RABGAP1L: variants seen among roughly 807,000 people sequenced by gnomAD.
RABGAP1L encodes the protein RAB GTPase activating protein 1 like, also known as rab GTPase-activating protein 1-like.
A neutral mutation model predicts 137.7 loss-of-function variants in RABGAP1L; 63 were observed. That is an observed-to-expected ratio of 0.46 (90% CI 0.37 to 0.56). The LOEUF (loss-of-function observed/expected upper bound fraction) is 0.56. Ranked by LOEUF, RABGAP1L falls within the 20% of genes least tolerant of loss-of-function variation. The pLI, the probability that RABGAP1L is intolerant of heterozygous loss-of-function variation, is 0.00. For synonymous variants in RABGAP1L, 431 were observed against 433.7 expected, an observed-to-expected ratio of 0.99 and a Z score of 0.08; for missense variants, 1,095 against 1,244.0, an observed-to-expected ratio of 0.88 and a Z score of 1.80.
In RABGAP1L at chr1:174,288,619, T is replaced by C. The variant is rs375864805; in HGVS notation, c.1323+9840T>C. 2.0e-5 allele frequency among the ~76,000 whole-genome samples: 3 copies of C among 152,340 alleles called. No homozygotes were observed. In the East Asian group the frequency reaches 5.8e-4, roughly 29 times the overall value. The stretch of plus-strand genomic sequence containing the variant: ...TGTATGTGACAAGGTGCTTTTCTCC[T>C]GCCATTTTCATAATTCTCTCTTTGT... On this transcript the variant is annotated intron_variant, in intron 10 of 25. Transcript: ENST00000681986.
In RABGAP1L at chr1:174,613,629, A is replaced by G. The variant is rs535514562; in HGVS notation, c.1711-23746A>G. ...GATATCCTTGTTAACTTTCTGTCTC[A>G]TTGATCTGTCTAATGTTGACAGTGG... On this transcript the variant is annotated intron_variant, in intron 13 of 25. Transcript: ENST00000681986. Among the ~76,000 whole-genome samples the G allele has an allele frequency of 4.9e-4, 75 of 152,190 alleles. No homozygotes were observed. The East Asian group carries it at 0.014, about 28-fold the overall frequency.
chr1:174,272,063 T>C (rs1674599658), intron 7 of RABGAP1L, among the ~76,000 whole-genome samples: 1 of 151,992 alleles, frequency 6.6e-6, no homozygotes, highest in Admixed American at 6.6e-5. Context: ...TTTTGACCTA[T>C]ATGTTTGGAA....
intron 17 of RABGAP1L, among the ~76,000 whole-genome samples, chr1:174,711,581 T>C (rs3117843): frequency 0.37 from 56,663 of 152,052 alleles, 13,920 homozygotes; most frequent in African/African-American, 0.7. Flanking sequence ...CCAGCACTGC[T>C]GGCCCACCCG....
chr1:174,299,063 C>A (rs1005508217), intron 10 of RABGAP1L, among the ~76,000 whole-genome samples: 2 of 152,188 alleles, frequency 1.3e-5, no homozygotes, highest in African/African-American at 4.8e-5. Flanking sequence ...AAAAACAAAT[C>A]GTCATAGGAC....
chr1:174,824,718 G>A (rs1033998960), intron 19 of RABGAP1L, among the ~76,000 whole-genome samples: 2 of 151,856 alleles, frequency 1.3e-5, no homozygotes, highest in Non-Finnish European at 2.9e-5. Context: ...CATTTACCTT[G>A]CAAATAACTA....
At chr1:174,524,662 T>A (rs924647391) in intron 13 of RABGAP1L, among the ~76,000 whole-genome samples, 1 of 152,144 alleles carries the variant, frequency 6.6e-6, no homozygotes, top group African/African-American at 2.4e-5. Context: ...GTCCCCTTGT[T>A]TATTTTTGTT....
chr1:174,351,898 T>G (rs1683229441), intron 11 of RABGAP1L, among the ~76,000 whole-genome samples: 1 of 151,998 alleles, frequency 6.6e-6, no homozygotes. Flanking sequence ...ACCTCCCGGG[T>G]TCATGCCATT....
chr1:174,680,408 C>T lies in RABGAP1L; in HGVS notation c.1825-3114C>T, dbSNP rs569173994. Among the ~76,000 whole-genome samples, 5 of 152,282 alleles carry T rather than the reference C, an allele frequency of 3.3e-5. 1 individual carries two copies. The South Asian group carries it at 1.0e-3, about 32-fold the overall frequency. ...GGCACAATTTCTGTGAACCAGGAAA[C>T]CGACCCTCATCAGACTGAATTGGTT... is the stretch of plus-strand genomic sequence containing the variant. On this transcript the variant is annotated intron_variant, in intron 14 of 25. Transcript: ENST00000681986.
chr1:174,349,453 G>A (rs1286483261), intron 11 of RABGAP1L, among the ~76,000 whole-genome samples: 3 of 133,418 alleles, frequency 2.2e-5, no homozygotes, highest in Admixed American at 7.2e-5. Flanking sequence ...GGCCGGGCGT[G>A]GGGCTGACCC....
At chr1:174,590,371 C>CT (rs1246738738) in intron 13 of RABGAP1L, among the ~76,000 whole-genome samples, 22 of 99,230 alleles carry the variant, frequency 2.2e-4, no homozygotes, top group Admixed American at 5.6e-4. Context: ...TTATTATACT[C>CT]TAAGTTTTAG....
At chr1:174,805,953 C>T (rs1055433650) in intron 18 of RABGAP1L, among the ~76,000 whole-genome samples, 1 of 152,156 alleles carries the variant, frequency 6.6e-6, no homozygotes, top group African/African-American at 2.4e-5. Context: ...GTTGCATTTT[C>T]ATTATTTTAC....
chr1:174,502,718 A>G (rs1572079945), intron 13 of RABGAP1L, among the ~76,000 whole-genome samples: 1 of 149,410 alleles, frequency 6.7e-6, no homozygotes, highest in East Asian at 1.9e-4. Context: ...GCATATATAT[A>G]CACACACACA....
intron 19 of RABGAP1L, among the ~76,000 whole-genome samples, chr1:174,867,336 G>T (rs1344259992): frequency 6.7e-6 from 1 of 150,344 alleles, no homozygotes; most frequent in African/African-American, 2.4e-5. Context: ...GGCCGAGATC[G>T]CGCCAAAAAA....
At chr1:174,615,472 T>G (rs920369756) in intron 13 of RABGAP1L, among the ~76,000 whole-genome samples, 6 of 152,192 alleles carry the variant, frequency 3.9e-5, no homozygotes, top group African/African-American at 1.4e-4. Context: ...ATGTCAGGTG[T>G]CGGTCTGCCC....
chr1:174,411,829 C>A (rs1465209208), intron 13 of RABGAP1L, among the ~76,000 whole-genome samples: 3 of 152,020 alleles, frequency 2.0e-5, no homozygotes, highest in Admixed American at 2.0e-4. Flanking sequence ...TATTTGTATT[C>A]CACTGTGGTC....
intron 18 of RABGAP1L, among the ~76,000 whole-genome samples, chr1:174,774,842 G>A (rs1430862562): frequency 1.3e-5 from 2 of 152,136 alleles, no homozygotes; most frequent in African/African-American, 4.8e-5. Flanking sequence ...ATTGTGCACT[G>A]CACTCCAGTA....
At chr1:174,651,346 T>G (rs1285371907) in intron 14 of RABGAP1L, among the ~76,000 whole-genome samples, 5 of 152,216 alleles carry the variant, frequency 3.3e-5, no homozygotes, top group African/African-American at 1.2e-4. Context: ...TGATGTCTAT[T>G]AGGTCTGCTT....
At chr1:174,964,769 A>G in intron 20 of RABGAP1L, 1 of 1,337,276 alleles carries the variant, frequency 7.5e-7, no homozygotes. Context: ...GGCTACCTCA[A>G]GTATCTTTGT....
In RABGAP1L at chr1:174,175,613, C is replaced by T. The variant is rs370328893; in HGVS notation, c.-34+15956C>T. Among the ~76,000 whole-genome samples the T allele has an allele frequency of 2.7e-3, 401 of 149,282 alleles. 1 individual carries two copies. Among genetic ancestry groups the T allele is most frequent in the African/African-American group, 9.4e-3 (381 of 40,398 alleles). ...TAGGGACTACAGGCACGTGCCACCA[C>T]GCCCGGCTACTTTTTTTTTTTTTTT... On this transcript the variant is annotated intron_variant, in intron 1 of 25. Transcript: ENST00000681986.
Sources: gnomAD v4.1 joint callset for allele counts (sites outside exome capture counted in the v4.1 genomes callset) on GRCh38, gnomAD v4.1.1 for gene constraint, MANE v1.5 for transcripts, NCBI Gene and HGNC (gene_info 2026-07-23, HGNC 2026-07-21) for gene names.